ENTPD1: variants seen among roughly 807,000 people sequenced by gnomAD.
ENTPD1 encodes ATP diphosphohydrolase.
ENTPD1 carries 33 observed loss-of-function variants against 57.0 expected under a neutral mutation model. The observed-to-expected ratio is 0.58, with a 90% CI of 0.44 to 0.77. The LOEUF is 0.77. Among genes scored for constraint, ENTPD1 ranks in the 30% least tolerant of loss-of-function variants. ENTPD1 has a pLI of 0.00. For synonymous variants in ENTPD1, 202 were observed against 218.8 expected, an observed-to-expected ratio of 0.92 and a Z score of 0.68; for missense variants, 501 against 603.4, an observed-to-expected ratio of 0.83 and a Z score of 1.78.
At chr10:95,755,894 AGAGG>A (rs1009579018), upstream of ENTPD1, 5 of 1,521,426 alleles carry the variant, frequency 3.3e-6, no homozygotes, top group Admixed American at 1.0e-4. Flanking sequence ...AGAGAGATGA[AGAGG>A]GAGGGAGTAA....
intron 1 of ENTPD1, among the ~76,000 whole-genome samples, chr10:95,768,583 A>C (rs921287330): frequency 6.9e-6 from 1 of 144,840 alleles, no homozygotes; most frequent in Non-Finnish European, 1.5e-5. Flanking sequence ...TTCTGAGACT[A>C]TTTTCCTAAG....
chr10:95,777,126 T>G (rs185937449), intron 1 of ENTPD1, among the ~76,000 whole-genome samples: 1 of 152,372 alleles, frequency 6.6e-6, no homozygotes, highest in African/African-American at 2.4e-5. Context: ...TGAAGCCTAC[T>G]TCTGTCAGCT....
chr10:95,848,018 G>A (rs971056893), intron 7 of ENTPD1, among the ~76,000 whole-genome samples: 2 of 152,160 alleles, frequency 1.3e-5, no homozygotes, highest in African/African-American at 2.4e-5. Flanking sequence ...TAAGAGTACT[G>A]CCTTTCCGGA....
rs1241706864 is a variant in ENTPD1, at chr10:95,871,609, T to C, written c.*5226T>C. 1 of 985,464 alleles carries C rather than the reference T, an allele frequency of 1.0e-6. No homozygotes were observed. Among genetic ancestry groups the C allele is most frequent in the Non-Finnish European group, 1.2e-6 (1 of 829,928 alleles). 61.0% of individuals were successfully genotyped at this position (985,464 alleles called of 1,614,324 possible). A position where few individuals can be genotyped will look rare whatever the true frequency, so the allele number is the denominator to read the frequency against. ...GAGGTGCCTCCATGAGCCTTCTCTT[T>C]AGAAAAGTGGCATTCAAGACTCTTC... On this transcript the variant is annotated 3_prime_UTR_variant, in exon 10 of 10. Transcript: ENST00000371205.
In ENTPD1 at chr10:95,871,317, T is replaced by C. The variant is rs1004441641; in HGVS notation, c.*4934T>C. 9 of 985,100 alleles carry C rather than the reference T, an allele frequency of 9.1e-6. No individual in the cohort carries two copies. The highest frequency in any genetic ancestry group is 5.2e-4 in the Middle Eastern group (1 of 1,934). The allele number at this position is 985,100 out of a possible 1,614,324, so 61.0% of individuals were successfully genotyped here. On this transcript the variant is annotated 3_prime_UTR_variant, in exon 10 of 10. Coordinates refer to ENST00000371205, the MANE Select transcript of ENTPD1 (RefSeq NM_001776.6). ...TGTTTATCTCACCAAAGAAATATTATCTTTAAAAAATGTCATTACTTCTAA... is the reference window on the plus strand; with the variant it reads ...TGTTTATCTCACCAAAGAAATATTACCTTTAAAAAATGTCATTACTTCTAA...
intron 1 of ENTPD1, among the ~76,000 whole-genome samples, chr10:95,801,935 A>T (rs1412547391): frequency 2.0e-5 from 3 of 152,216 alleles, no homozygotes; most frequent in African/African-American, 7.2e-5. Flanking sequence ...GGCCATTTTA[A>T]TGATATGGAT....
intron 1 of ENTPD1, among the ~76,000 whole-genome samples, chr10:95,821,839 A>G (rs530992509): frequency 6.6e-6 from 1 of 152,166 alleles, no homozygotes; most frequent in South Asian, 2.1e-4. Context: ...GAGAGCTCCC[A>G]TTTCAGTGCC....
chr10:95,818,265 C>G (rs1263542909), intron 1 of ENTPD1, among the ~76,000 whole-genome samples: 3 of 152,130 alleles, frequency 2.0e-5, no homozygotes, highest in Non-Finnish European at 4.4e-5. Flanking sequence ...GAAAAAAGTC[C>G]CTGCCCTAAG....
intron 1 of ENTPD1, among the ~76,000 whole-genome samples, chr10:95,758,282 T>G (rs2098039162): frequency 6.6e-6 from 1 of 152,178 alleles, no homozygotes; most frequent in Non-Finnish European, 1.5e-5. Flanking sequence ...GCTCCACCAT[T>G]TACTGTGTGC....
At chr10:95,699,561 T>C in the ENTPD1 span, among the ~76,000 whole-genome samples, 1 of 151,928 alleles carries the variant, frequency 6.6e-6, no homozygotes, top group Non-Finnish European at 1.5e-5. Flanking sequence ...TGAGCCTTGA[T>C]TGTGCCACTG....
chr10:95,864,946 G>A (rs1254007434), intron 9 of ENTPD1, 85 bp downstream of exon 9: 4 of 1,489,144 alleles, frequency 2.7e-6, no homozygotes, highest in Non-Finnish European at 3.7e-6. Context: ...AAAGGGGGGA[G>A]TCAGCATGGT....
chr10:95,748,389 T>A (rs766328978), intron 1 of ENTPD1, among the ~76,000 whole-genome samples: 16 of 152,212 alleles, frequency 1.1e-4, no homozygotes, highest in Non-Finnish European at 2.2e-4. Flanking sequence ...TCACCAGGAT[T>A]CTTTTTTGCC....
upstream of ENTPD1, among the ~76,000 whole-genome samples, chr10:95,708,977 T>C (rs769393322): frequency 2.6e-5 from 4 of 152,242 alleles, no homozygotes; most frequent in Non-Finnish European, 5.9e-5. Context: ...TTTCTTCATT[T>C]TTAAAAACTT....
the ENTPD1 span, among the ~76,000 whole-genome samples, chr10:95,700,437 A>AGGAGGATCGCTTGAG: frequency 1.4e-4 from 21 of 152,106 alleles, no homozygotes; most frequent in Non-Finnish European, 2.2e-4. Context: ...GAGAGGCTGA[A>AGGAGGATCGCTTGAG]GCAGGAGGAT....
At chr10:95,700,956 C>G in the ENTPD1 span, among the ~76,000 whole-genome samples, 3 of 152,144 alleles carry the variant, frequency 2.0e-5, no homozygotes, top group South Asian at 6.2e-4. Context: ...CCACGCCTGG[C>G]TAATGTTTTG....
At chr10:95,863,229 T>G (rs1479250378) in intron 8 of ENTPD1, among the ~76,000 whole-genome samples, 2 of 152,166 alleles carry the variant, frequency 1.3e-5, no homozygotes, top group Non-Finnish European at 2.9e-5. Context: ...TCAGGGAAAT[T>G]AGGCCAAAAT....
chr10:95,726,773 A>G (rs986402059), intron 1 of ENTPD1, among the ~76,000 whole-genome samples: 1 of 152,132 alleles, frequency 6.6e-6, no homozygotes, highest in Non-Finnish European at 1.5e-5. Context: ...TTTATCTCTG[A>G]GAGGGTTCAC....
At chr10:95,771,020 T>C (rs2098114193) in intron 1 of ENTPD1, among the ~76,000 whole-genome samples, 1 of 152,176 alleles carries the variant, frequency 6.6e-6, no homozygotes, top group Non-Finnish European at 1.5e-5. Context: ...GACTTTTTAG[T>C]CTTTCTCTTG....
chr10:95,723,091 AG>A (rs1359896344), intron 1 of ENTPD1, among the ~76,000 whole-genome samples: 1 of 152,198 alleles, frequency 6.6e-6, no homozygotes, highest in Non-Finnish European at 1.5e-5. Context: ...GCGGGTTGTC[AG>A]TGGTCTCAGT....
Sources: allele counts gnomAD v4.1 joint callset (sites outside exome capture counted in the v4.1 genomes callset), GRCh38; gene constraint gnomAD v4.1.1; transcripts MANE v1.5; gene names NCBI Gene and HGNC (gene_info 2026-07-23, HGNC 2026-07-21).